The following TBRG4 variants were observed in gnomAD, a reference collection of about 807,000 sequenced individuals.
TBRG4 encodes the protein transforming growth factor beta regulator 4.
In TBRG4, 43 loss-of-function variants were observed where a neutral mutation model predicts 65.6. The observed-to-expected ratio is 0.66, with a 90% confidence interval of 0.51 to 0.85. The LOEUF (loss-of-function observed/expected upper bound fraction) is 0.85, where lower values mean the gene tolerates loss of function less well. Among genes scored for constraint, TBRG4 ranks in the 40% least tolerant of loss-of-function variants. TBRG4 has a pLI of 0.00. For synonymous variants in TBRG4, 366 were observed against 341.4 expected, an observed-to-expected ratio of 1.07 and a Z score of -0.79; for missense variants, 709 against 787.9, an observed-to-expected ratio of 0.90 and a Z score of 1.20.
rs141159549 is a variant in TBRG4, at chr7:45,101,562, A to G, written c.1620T>C (p.Phe540=). ...TTGGCTGGGCAAGGTGAGGTGCCAC[A>G]AAGTCCCTTACGGGCAGAAACTCGC... The part of the protein sequence containing the change: ...SDGEFLPVRD[F]VAPHLAQPTG... The change falls in exon 9 of 11, where the codon TTT becomes TTC. Residue 540 remains phenylalanine (F), a synonymous_variant. Coordinates refer to ENST00000258770, the MANE Select transcript of TBRG4 (RefSeq NM_004749.4). 4,886 of 1,613,898 alleles carry G rather than the reference A, an allele frequency of 3.0e-3. 6 individuals carry two copies. The highest frequency in any genetic ancestry group is 3.9e-3 in the Non-Finnish European group (4,573 of 1,179,982).
At chr7:45,104,453 A>G (rs1302897470) in intron 4 of TBRG4, 85 bp downstream of exon 4, 1 of 1,604,492 alleles carries the variant, frequency 6.2e-7, no homozygotes, top group Admixed American at 1.7e-5. Context: ...TACCATGCAT[A>G]GGACAGGTAC....
rs2128645699 is a variant in TBRG4 at position 45,105,631 on chromosome 7, T to C, written c.545A>G (p.Lys182Arg). 6.2e-7 allele frequency: 1 copy of C among 1,614,116 alleles called. No homozygotes were observed. The highest frequency in any genetic ancestry group is 1.1e-5 in the South Asian group (1 of 91,088). The change falls in exon 3 of 11, where the codon AAG (lysine) becomes AGG (arginine). Residue 182 changes from lysine (K) to arginine (R), a missense_variant. Lys to Arg is a conservative substitution (Grantham distance 26, BLOSUM62 2). Coordinates refer to ENST00000258770, the MANE Select transcript of TBRG4 (RefSeq NM_004749.4). ...VRWRMRKLKY[K>R]HLAFLAESCA... is the part of the protein sequence containing the mutation. ...GGACTCTGCCAGGAAGGCCAGGTGC[T>C]TGTACTTGAGCTTCCGCATGCGCCA...
intron 1 of TBRG4, chr7:45,111,365 G>A: frequency 5.3e-6 from 1 of 187,504 alleles, no homozygotes; most frequent in Non-Finnish European, 1.2e-5. Context: ...AAAATGCAGA[G>A]AGAAAACAAC....
chr7:45,103,816 T>A, intron 5 of TBRG4: 1 of 542,592 alleles, frequency 1.8e-6, no homozygotes, highest in South Asian at 2.4e-5. Context: ...CAGTTCTCAG[T>A]GGATTCTCAG....
At position 45,104,166 on chromosome 7, in the gene TBRG4, G is replaced by A. The variant is rs1731727718; in HGVS notation, c.998C>T (p.Ala333Val). 1 of 1,614,040 alleles carries A rather than the reference G, an allele frequency of 6.2e-7. No homozygotes were observed. The change falls in exon 5 of 11, where the codon GCC becomes GTC. Residue 333 changes from alanine (A) to valine (V), a missense_variant. Ala to Val is a moderately conservative substitution (Grantham distance 64, BLOSUM62 0). Transcript: ENST00000258770. ...TAAGGCGAAGGACTTGGCACAGTGGGCCACCTCACCAGAAGTCAGGCTGGG... is the reference window on the plus strand; with the variant it reads ...TAAGGCGAAGGACTTGGCACAGTGGACCACCTCACCAGAAGTCAGGCTGGG... The part of the protein sequence containing the change: ...LMPSLTSGEV[A>V]HCAKSFALLK...
At chr7:45,111,494 A>C (rs1785124400) in intron 1 of TBRG4, 149 bp downstream of exon 1, 2 of 980,876 alleles carry the variant, frequency 2.0e-6, no homozygotes, top group Non-Finnish European at 2.8e-6. Flanking sequence ...GCCAGCACGG[A>C]ACGAGCAGAC....
intron 2 of TBRG4, chr7:45,107,614 G>C (rs1033221406): frequency 6.5e-6 from 1 of 153,992 alleles, no homozygotes; most frequent in Non-Finnish European, 1.5e-5. Context: ...GGCTGGGGAG[G>C]AGGGAGAAAG....
chr7:45,106,135 G>A (rs766831482), intron 2 of TBRG4: 1 of 525,518 alleles, frequency 1.9e-6, no homozygotes, highest in African/African-American at 1.9e-5. Flanking sequence ...CTCAGGCACA[G>A]GCCAGATCCA....
Position 45,108,807 on chromosome 7 carries a change from G to A in TBRG4, c.411+20C>T. The A allele has an allele frequency of 6.6e-7, 1 of 1,513,530 alleles. No homozygotes were observed. The highest frequency in any genetic ancestry group is 2.3e-5 in the Admixed American group (1 of 42,768). 93.8% of individuals were successfully genotyped at this position (1,513,530 alleles called of 1,614,324 possible). On this transcript the variant is annotated intron_variant, in intron 2 of 10. Coordinates refer to ENST00000258770, the MANE Select transcript of TBRG4 (RefSeq NM_004749.4). ...TGTTTTCCTCTTGTCTATGCTCTCA[G>A]ACCACACTCCGGCACCCACCTGACT...
In TBRG4 at chr7:45,101,868, G is replaced by A; in HGVS notation, c.1524C>T (p.Asp508=). The A allele has an allele frequency of 6.2e-7, 1 of 1,609,506 alleles. No individual in the cohort carries two copies. Among genetic ancestry groups the A allele is most frequent in the Non-Finnish European group, 8.5e-7 (1 of 1,179,500 alleles). ...GCGTGGCCACCTCGAGGCTGCCCTT[G>A]TCGGCGCTCCCCAGCAGCCCCTTCA... ...ETLKGLLGSA[D]KGSLEVATQY... is the part of the protein sequence containing the mutation. Residue 508 remains aspartate (D), a synonymous_variant, in exon 8 of 11, where the codon GAC becomes GAT. Coordinates refer to ENST00000258770, the MANE Select transcript of TBRG4 (RefSeq NM_004749.4).
At chr7:45,101,643 G>A (rs1233892090) in intron 8 of TBRG4, 29 bp from the exon 9 acceptor site, 6 of 1,607,718 alleles carry the variant, frequency 3.7e-6, no homozygotes, top group Non-Finnish European at 5.1e-6. Context: ...ATGAGAACAT[G>A]TTGGGGGACA....
intron 5 of TBRG4, chr7:45,103,739 A>G: frequency 1.9e-6 from 1 of 516,402 alleles, no homozygotes; most frequent in Non-Finnish European, 3.5e-6. Context: ...GTCACACATA[A>G]ACGTAACTGC....
At position 45,108,835 on chromosome 7, in the gene TBRG4, T is replaced by C; in HGVS notation, c.403A>G (p.Asn135Asp). ...CACACTCCGGCACCCACCTGACTGT[T>C]GAGCAGACAGAGAAGTTGATGAAAG... ...AHFHQLLCLL[N>D]SQIASVWHGT... The change falls in exon 2 of 11, where the codon AAC (asparagine) becomes GAC (aspartate). Residue 135 changes from asparagine (N) to aspartate (D), a missense_variant. Asn to Asp is a conservative substitution (Grantham distance 23). Coordinates refer to ENST00000258770, the MANE Select transcript of TBRG4 (RefSeq NM_004749.4). The C allele has an allele frequency of 6.5e-7, 1 of 1,534,752 alleles. No individual in the cohort carries two copies.
chr7:45,106,133 C>T (rs549379405), intron 2 of TBRG4: 1 of 526,338 alleles, frequency 1.9e-6, no homozygotes, highest in Non-Finnish European at 3.8e-6. Flanking sequence ...CCCTCAGGCA[C>T]AGGCCAGATC....
At chr7:45,109,917 C>T (rs982578017) in intron 1 of TBRG4, among the ~76,000 whole-genome samples, 11 of 141,118 alleles carry the variant, frequency 7.8e-5, no homozygotes, top group Non-Finnish European at 1.6e-4. Flanking sequence ...GCGGAGATTG[C>T]AGTGAGCTGA....
rs1367738284 is a variant in TBRG4, at chr7:45,105,697, T to C, written c.479A>G (p.Lys160Arg). The C allele has an allele frequency of 1.2e-6, 2 of 1,614,014 alleles. No homozygotes were observed. Among genetic ancestry groups the C allele is most frequent in the East Asian group, 2.2e-5 (1 of 44,890 alleles). Residue 160 changes from lysine (K) to arginine (R), a missense_variant, in exon 3 of 11, where the codon AAG (lysine) becomes AGG (arginine). By Grantham distance (26) the Lys-to-Arg change is conservative. Coordinates refer to ENST00000258770, the MANE Select transcript of TBRG4 (RefSeq NM_004749.4). ...CACCGACTGCAGCTCCTTGGAGGCCTTGGGGATGCCCAGAGCATACAGGCT... is the reference window on the plus strand; with the variant it reads ...CACCGACTGCAGCTCCTTGGAGGCCCTGGGGATGCCCAGAGCATACAGGCT... Reference protein sequence around the residue: ...LGSLYALGIPKASKELQSVEQ... With the variant: ...LGSLYALGIPRASKELQSVEQ...
rs144484820 is a variant in TBRG4, at chr7:45,102,561, C to T, written c.1177-70G>A. The stretch of plus-strand genomic sequence containing the variant: ...GGGCTGCAAATAGCCATGGGTGAGA[C>T]ACAATCCATGATGTGGTCTTGGCCT... On this transcript the variant is annotated intron_variant, in intron 6 of 10. Coordinates refer to ENST00000258770, the MANE Select transcript of TBRG4 (RefSeq NM_004749.4). The T allele has an allele frequency of 2.1e-4, 333 of 1,562,180 alleles. 1 individual carries two copies. Among genetic ancestry groups the T allele is most frequent in the Middle Eastern group, 1.9e-3 (8 of 4,260 alleles).
At chr7:45,105,266 C>T in intron 3 of TBRG4, 175 bp downstream of exon 3, 2 of 703,060 alleles carry the variant, frequency 2.8e-6, no homozygotes, top group Admixed American at 2.9e-5. Context: ...CCACCTGTTG[C>T]AGCTCCGAGC....
At position 45,101,956 on chromosome 7, in the gene TBRG4, G is replaced by A. The variant is rs749519079; in HGVS notation, c.1436C>T (p.Ala479Val). 1.3e-6 allele frequency: 2 copies of A among 1,597,464 alleles called. No individual in the cohort carries two copies. The highest frequency in any genetic ancestry group is 1.8e-5 in the Admixed American group (1 of 55,286). ...SGPLLPASAV[A>V]PGPSALDRKV... is the part of the protein sequence containing the mutation. ...CCTGTCAAGGGCTGAGGGCCCAGGGGCCACAGCCGAGGCAGGCAGAAGGGG... is the reference window on the plus strand; with the variant it reads ...CCTGTCAAGGGCTGAGGGCCCAGGGACCACAGCCGAGGCAGGCAGAAGGGG... The change falls in exon 8 of 11, where the codon GCC becomes GTC. Residue 479 changes from alanine (A) to valine (V), a missense_variant. Physicochemically the swap from Ala to Val is moderately conservative, Grantham distance 64. Transcript: ENST00000258770.
Sources: allele counts gnomAD v4.1 joint callset (sites outside exome capture counted in the v4.1 genomes callset), GRCh38; gene constraint gnomAD v4.1.1; transcripts MANE v1.5; gene names NCBI Gene and HGNC (gene_info 2026-07-23, HGNC 2026-07-21).